Variants in RNF38 observed in about 807,000 individuals in gnomAD.
RNF38 encodes the protein E3 ubiquitin-protein ligase RNF38.
A neutral mutation model predicts 67.2 loss-of-function variants in RNF38; 15 were observed. The ratio of observed to expected loss-of-function variants is 0.22; its 90% CI spans 0.15 to 0.34. The LOEUF (loss-of-function observed/expected upper bound fraction) is 0.34, where lower values mean the gene tolerates loss of function less well. RNF38 is among the 10% of genes least tolerant of loss of function. RNF38 has a pLI of 1.00. For synonymous variants in RNF38, 220 were observed against 218.8 expected, an observed-to-expected ratio of 1.01 and a Z score of -0.05; for missense variants, 524 against 639.9, an observed-to-expected ratio of 0.82 and a Z score of 1.95.
chr9:36,378,656 G>A (rs527925972), intron 2 of RNF38, among the ~76,000 whole-genome samples: 2 of 152,186 alleles, frequency 1.3e-5, no homozygotes, highest in African/African-American at 4.8e-5. Context: ...TCACGATAAA[G>A]GTCAAATGAC....
Position 36,373,940 on chromosome 9 carries a change from C to T in RNF38, c.356+1994G>A, listed in dbSNP as rs767925169. ...TCCTGATCTCAGGTGATCCATCCAC[C>T]TCGGCCTCCCAAAGTGCTGGGATTA... On this transcript the variant is annotated intron_variant, in intron 3 of 11. Coordinates refer to ENST00000259605, the MANE Select transcript of RNF38 (RefSeq NM_022781.5). Among the ~76,000 whole-genome samples the T allele has an allele frequency of 5.3e-5, 8 of 152,270 alleles. No individual in the cohort carries two copies. The South Asian group carries it at 6.2e-4, about 12-fold the overall frequency.
At chr9:36,399,490 TATA>T (rs1316938601) in intron 1 of RNF38, among the ~76,000 whole-genome samples, 3 of 80,990 alleles carry the variant, frequency 3.7e-5, no homozygotes, top group Non-Finnish European at 5.5e-5. Flanking sequence ...TATAAATATA[TATA>T]ATATATTATA....
At chr9:36,455,760 C>G in intron 1 of RNF38, among the ~76,000 whole-genome samples, 1 of 151,436 alleles carries the variant, frequency 6.6e-6, no homozygotes, top group East Asian at 2.0e-4. Flanking sequence ...CCCGTCTCTA[C>G]TAAAAGTACA....
intron 9 of RNF38, 125 bp from the exon 10 acceptor site, chr9:36,345,078 A>C: frequency 1.0e-6 from 1 of 986,596 alleles, no homozygotes; most frequent in Non-Finnish European, 1.4e-6. Context: ...GTTCACAGGC[A>C]TGATCATTGT....
chr9:36,399,024 G>C (rs778007835), intron 1 of RNF38, among the ~76,000 whole-genome samples: 2 of 106,186 alleles, frequency 1.9e-5, no homozygotes, highest in Non-Finnish European at 4.1e-5. Flanking sequence ...CAATGCTGTT[G>C]GCAGAGAGAC....
intron 1 of RNF38, among the ~76,000 whole-genome samples, chr9:36,479,188 C>T (rs911188900): frequency 6.6e-6 from 1 of 152,222 alleles, no homozygotes; most frequent in South Asian, 2.1e-4. Flanking sequence ...TGGATACCAT[C>T]TTTACCCCGC....
rs747848792 is a variant in RNF38 at position 36,363,377 on chromosome 9, G to A, written c.571-5435C>T. Among the ~76,000 whole-genome samples, 6 of 100,910 alleles carry A rather than the reference G, an allele frequency of 5.9e-5. 2 individuals are homozygous for A. Among genetic ancestry groups the A allele is most frequent in the African/African-American group, 1.5e-4 (5 of 33,646 alleles). 66.2% of individuals were successfully genotyped at this position (100,910 alleles called of 152,430 possible). On this transcript the variant is annotated intron_variant, in intron 4 of 11. Transcript: ENST00000259605. ...GGAATTGCTGGATTACTGGGTAGGT[G>A]TATGTTTGACATGATTAGAAACTGA...
chr9:36,400,121 A>G lies in RNF38; in HGVS notation c.-13T>C. ...CCTTACAAGCCATACAGACGTAAAC[A>G]AAAACTTTATTTCTTTTTGGACCTC... is the stretch of plus-strand genomic sequence containing the variant. On this transcript the variant is annotated 5_prime_UTR_variant, in exon 1 of 12. Coordinates refer to ENST00000259605, the MANE Select transcript of RNF38 (RefSeq NM_022781.5). The G allele has an allele frequency of 3.1e-6, 5 of 1,612,374 alleles. No individual in the cohort carries two copies. The highest frequency in any genetic ancestry group is 4.2e-6 in the Non-Finnish European group (5 of 1,179,222).
chr9:36,421,984 C>T (rs922719751), intron 2 of RNF38, among the ~76,000 whole-genome samples: 26 of 152,260 alleles, frequency 1.7e-4, no homozygotes, highest in African/African-American at 6.3e-4. Flanking sequence ...GTAATCCAAA[C>T]ACTTTGGGAG....
At chr9:36,386,923 C>T (rs551174321) in intron 2 of RNF38, among the ~76,000 whole-genome samples, 2 of 152,312 alleles carry the variant, frequency 1.3e-5, no homozygotes, top group African/African-American at 4.8e-5. Flanking sequence ...GTGTCTCAGC[C>T]TCTTGAGTAG....
chr9:36,447,536 A>T (rs1839335715), intron 1 of RNF38, among the ~76,000 whole-genome samples: 1 of 152,232 alleles, frequency 6.6e-6, no homozygotes, highest in South Asian at 2.1e-4. Context: ...ATGTGTAGGC[A>T]TCTGATAATA....
chr9:36,358,001 C>T, intron 4 of RNF38, 59 bp from the exon 5 acceptor site: 1 of 1,420,342 alleles, frequency 7.0e-7, no homozygotes, highest in Non-Finnish European at 9.8e-7. Context: ...GTTAACTATT[C>T]AAAATCAACA....
rs899031453 is a variant in RNF38 at position 36,343,683 on chromosome 9, A to G, written c.1385+1149T>C. On this transcript the variant is annotated intron_variant, in intron 10 of 11. Transcript: ENST00000259605. The stretch of plus-strand genomic sequence containing the variant: ...AAACCCAAATGTCCATCCATCGACG[A>G]AAAAAAAATATGATCTATACAATGG... Among the ~76,000 whole-genome samples the G allele has an allele frequency of 4.0e-5, 6 of 151,652 alleles. No homozygotes were observed. The East Asian group carries it at 7.7e-4, about 20-fold the overall frequency.
chr9:36,398,352 T>C (rs1837705791), intron 1 of RNF38, among the ~76,000 whole-genome samples: 1 of 152,142 alleles, frequency 6.6e-6, no homozygotes, highest in Non-Finnish European at 1.5e-5. Context: ...GAGGATCACC[T>C]GGGCCCAGAA....
At chr9:36,477,050 GCGA>G (rs1840135822) in intron 1 of RNF38, among the ~76,000 whole-genome samples, 1 of 152,092 alleles carries the variant, frequency 6.6e-6, no homozygotes, top group Admixed American at 6.6e-5. Context: ...TTGGCCAGGC[GCGA>G]TGGATCACGC....
intron 1 of RNF38, among the ~76,000 whole-genome samples, chr9:36,479,905 C>T (rs1840208204): frequency 6.6e-6 from 1 of 152,110 alleles, no homozygotes; most frequent in Non-Finnish European, 1.5e-5. Context: ...TTCAAGACCA[C>T]CATGGGCAAC....
intron 2 of RNF38, among the ~76,000 whole-genome samples, chr9:36,415,617 A>C (rs1426434228): frequency 6.6e-6 from 1 of 152,098 alleles, no homozygotes; most frequent in East Asian, 1.9e-4. Flanking sequence ...TAGTAGAGCT[A>C]CTGGGGTCCG....
rs183862732 is a variant in RNF38, at chr9:36,463,629, G to A, written n.241+23679C>T. 5.3e-3 allele frequency among the ~76,000 whole-genome samples: 814 copies of A among 152,196 alleles called. 17 individuals carry two copies. Among genetic ancestry groups the A allele is most frequent in the Non-Finnish European group, 3.5e-3 (239 of 68,010 alleles). The stretch of plus-strand genomic sequence containing the variant: ...AATGCAAAGACGTGGTCACGAAGGG[G>A]GCAATGGTACTGATGAATCACACAA... On this transcript the variant is annotated intron_variant and non_coding_transcript_variant, in intron 1 of 3. Coordinates refer to the RNF38 transcript ENST00000488058.
At chr9:36,391,561 G>T (rs910526314) in intron 1 of RNF38, among the ~76,000 whole-genome samples, 4 of 149,854 alleles carry the variant, frequency 2.7e-5, no homozygotes, top group Non-Finnish European at 5.9e-5. Context: ...CTACATTTAA[G>T]CATCTATTTG....
Sources: allele counts gnomAD v4.1 joint callset (sites outside exome capture counted in the v4.1 genomes callset), GRCh38; gene constraint gnomAD v4.1.1; transcripts MANE v1.5; gene names NCBI Gene and HGNC (gene_info 2026-07-23, HGNC 2026-07-21).